Variants in ADAM10 observed in about 807,000 individuals in gnomAD.
ADAM10 encodes the protein disintegrin and metalloproteinase domain-containing protein 10.
In ADAM10, 17 loss-of-function variants were observed where a neutral mutation model predicts 90.1. The observed-to-expected ratio is 0.19, with a 90% CI of 0.13 to 0.28. The LOEUF (loss-of-function observed/expected upper bound fraction) is 0.28. ADAM10 is among the 10% of genes least tolerant of loss of function. ADAM10 has a pLI of 1.00. For synonymous variants in ADAM10, 310 were observed against 298.6 expected, an observed-to-expected ratio of 1.04 and a Z score of -0.40; for missense variants, 610 against 914.3, an observed-to-expected ratio of 0.67 and a Z score of 4.29.
intron 14 of ADAM10, 44 bp from the exon 15 acceptor site, chr15:58,599,768 A>G (rs184218416): frequency 1.9e-6 from 3 of 1,582,816 alleles, no homozygotes; most frequent in East Asian, 4.5e-5. Flanking sequence ...AAAAACTACA[A>G]AATATTTTAG....
chr15:58,702,579 T>C (rs1227496468), intron 2 of ADAM10, among the ~76,000 whole-genome samples: 8 of 152,332 alleles, frequency 5.3e-5, no homozygotes, highest in Admixed American at 5.2e-4. Flanking sequence ...CCCAGAAACA[T>C]GTACAAGTAT....
At position 58,674,040 on chromosome 15, in the gene ADAM10, C is replaced by CT. The variant is rs113283500; in HGVS notation, c.484+5083dup. Among the ~76,000 whole-genome samples the CT allele has an allele frequency of 3.5e-3, 530 of 152,078 alleles. 5 individuals carry two copies. Among genetic ancestry groups the CT allele is most frequent in the African/African-American group, 0.012 (509 of 41,488 alleles). ...GAGCCACCATACCCAGCCACTGCCT[C>CT]TTTTTTTGTGATTTTTTTTTAACTT... On this transcript the variant is annotated intron_variant, in intron 4 of 15. Coordinates refer to ENST00000260408, the MANE Select transcript of ADAM10 (RefSeq NM_001110.4).
intron 8 of ADAM10, among the ~76,000 whole-genome samples, chr15:58,634,704 A>T (rs1896201598): frequency 6.6e-6 from 1 of 152,196 alleles, no homozygotes; most frequent in Admixed American, 6.5e-5. Flanking sequence ...ATTTATACTT[A>T]AAGTTTTCCC....
intron 2 of ADAM10, among the ~76,000 whole-genome samples, chr15:58,701,022 CAA>C (rs386383146): frequency 1.4e-5 from 1 of 70,934 alleles, no homozygotes; most frequent in Admixed American, 1.5e-4. Flanking sequence ...AACAAAAAAA[CAA>C]AAAAAAAAAA....
At chr15:58,612,864 A>G (rs533487409) in intron 11 of ADAM10, among the ~76,000 whole-genome samples, 1 of 152,328 alleles carries the variant, frequency 6.6e-6, no homozygotes, top group Admixed American at 6.5e-5. Context: ...TAGGCAACCT[A>G]CATTCAATCT....
At chr15:58,736,964 G>A (rs1441527254) in intron 1 of ADAM10, among the ~76,000 whole-genome samples, 1 of 151,734 alleles carries the variant, frequency 6.6e-6, no homozygotes, top group Admixed American at 6.6e-5. Flanking sequence ...TTTTTTTAAG[G>A]GGGAAGACTA....
chr15:58,730,308 GGCAAA>G (rs1567016384), intron 1 of ADAM10, among the ~76,000 whole-genome samples: 1 of 152,206 alleles, frequency 6.6e-6, no homozygotes, highest in South Asian at 2.1e-4. Context: ...AAGAAGGGTT[GGCAAA>G]CTGTTACCCA....
Position 58,679,169 on chromosome 15 carries a change from G to C in ADAM10, c.439C>G (p.Arg147Gly), listed in dbSNP as rs1162019655. Residue 147 changes from arginine (R) to glycine (G), a missense_variant, in exon 4 of 16, where the codon CGA becomes GGA. Around this residue, in one of 4 missense-constraint regions of ADAM10, gnomAD observed 310 missense variants for 362.4 expected, o/e 0.86. Transcript: ENST00000260408. ...VEPAERYIKD[R>G]TLPFHSVIYH... is the part of the protein sequence containing the mutation. ...ATGACAGAGTGAAATGGCAGAGTTC[G>C]GTCTTTAATATATCTCTCTGCTGGC... is the stretch of plus-strand genomic sequence containing the variant. 6.2e-7 allele frequency: 1 copy of C among 1,613,810 alleles called. No individual in the cohort carries two copies. Among genetic ancestry groups the C allele is most frequent in the Non-Finnish European group, 8.5e-7 (1 of 1,179,890 alleles).
At chr15:58,641,701 C>T (rs1267733820) in intron 7 of ADAM10, among the ~76,000 whole-genome samples, 1 of 152,142 alleles carries the variant, frequency 6.6e-6, no homozygotes, top group Non-Finnish European at 1.5e-5. Context: ...ATTTATTAGC[C>T]CCTGCATCCT....
intron 4 of ADAM10, chr15:58,672,804 A>C (rs1459638866): frequency 7.5e-6 from 1 of 133,474 alleles, no homozygotes; most frequent in East Asian, 2.7e-4. Context: ...AAAAAAAAAA[A>C]AAAAAAGGGA....
chr15:58,682,635 G>A (rs755614303), intron 2 of ADAM10, among the ~76,000 whole-genome samples: 8 of 152,212 alleles, frequency 5.3e-5, no homozygotes, highest in Middle Eastern at 6.8e-3. Flanking sequence ...CAGGCTTCCT[G>A]ACCCAATTAC....
At chr15:58,732,508 G>C (rs1369857534) in intron 1 of ADAM10, 1 of 152,190 alleles carries the variant, frequency 6.6e-6, no homozygotes, top group African/African-American at 2.4e-5. Context: ...AGGGGTTCGA[G>C]ACCAGCCTGA....
At chr15:58,712,872 A>G (rs148264889) in intron 2 of ADAM10, among the ~76,000 whole-genome samples, 204 of 152,196 alleles carry the variant, frequency 1.3e-3, no homozygotes, top group Non-Finnish European at 2.0e-3. Flanking sequence ...GGTATCTAAG[A>G]ACAAGAGAAG....
intron 4 of ADAM10, among the ~76,000 whole-genome samples, chr15:58,673,774 G>A (rs1210806335): frequency 6.7e-5 from 10 of 148,698 alleles, no homozygotes; most frequent in South Asian, 2.1e-4. Flanking sequence ...TCACTCTGTC[G>A]CCCAGGCTGG....
At chr15:58,648,719 C>T (rs1158133433) in intron 5 of ADAM10, among the ~76,000 whole-genome samples, 5 of 151,974 alleles carry the variant, frequency 3.3e-5, no homozygotes, top group Admixed American at 6.6e-5. Flanking sequence ...TTATTCCTTC[C>T]GGTTTTGTCA....
chr15:58,719,148 A>G (rs927665779), intron 1 of ADAM10, among the ~76,000 whole-genome samples: 4 of 151,928 alleles, frequency 2.6e-5, no homozygotes, highest in Non-Finnish European at 4.4e-5. Context: ...ACATGGTGAA[A>G]CCCTATCTCT....
At chr15:58,602,763 T>C (rs1257860853) in intron 14 of ADAM10, among the ~76,000 whole-genome samples, 3 of 152,178 alleles carry the variant, frequency 2.0e-5, no homozygotes, top group African/African-American at 7.2e-5. Flanking sequence ...ACCTTTCTTC[T>C]CTTTATTTTC....
At position 58,604,645 on chromosome 15, in the gene ADAM10, G is replaced by A. The variant is rs566466309; in HGVS notation, c.2026-4921C>T. ...ACAGCTCATTTATTACTTCCAGATT[G>A]CCTAACACATACAAATAATGTGACA... On this transcript the variant is annotated intron_variant, in intron 14 of 15. Transcript: ENST00000260408. 2.6e-5 allele frequency among the ~76,000 whole-genome samples: 4 copies of A among 152,260 alleles called. No individual in the cohort carries two copies. In the South Asian group the frequency reaches 8.3e-4, roughly 32 times the overall value.
At chr15:58,715,350 G>C (rs1595649573) in intron 2 of ADAM10, among the ~76,000 whole-genome samples, 1 of 151,474 alleles carries the variant, frequency 6.6e-6, no homozygotes, top group Non-Finnish European at 1.5e-5. Context: ...TGAACCCAGA[G>C]GTTGCAATAA....
Sources: allele counts gnomAD v4.1 joint callset (sites outside exome capture counted in the v4.1 genomes callset), GRCh38; gene constraint gnomAD v4.1.1; regional missense constraint gnomAD v4.1.1; transcripts MANE v1.5; gene names NCBI Gene and HGNC (gene_info 2026-07-23, HGNC 2026-07-21).